The following B3GAT1 variants were observed in gnomAD, a reference collection of about 807,000 sequenced individuals.
B3GAT1 encodes the protein galactosylgalactosylxylosylprotein 3-beta-glucuronosyltransferase 1.
B3GAT1 carries 11 observed loss-of-function variants against 28.4 expected under a neutral mutation model. The observed-to-expected ratio is 0.39, with a 90% CI of 0.24 to 0.64. The LOEUF (loss-of-function observed/expected upper bound fraction) is 0.64, where lower values mean the gene tolerates loss of function less well. Among genes scored for constraint, B3GAT1 ranks in the 30% least tolerant of loss-of-function variants. The pLI is 0.50. For missense variants in B3GAT1, 375 were observed against 491.0 expected, an observed-to-expected ratio of 0.76 and a Z score of 2.23; for synonymous variants, 255 against 223.1, an observed-to-expected ratio of 1.14 and a Z score of -1.27.
intron 2 of B3GAT1, chr11:134,385,205 C>A (rs114729049): frequency 6.6e-6 from 1 of 152,298 alleles, no homozygotes; most frequent in Non-Finnish European, 1.5e-5. Context: ...TCCTCTCTTG[C>A]GGAAGGGCAG....
chr11:134,393,866 C>G lies in B3GAT1; in HGVS notation c.-281-5926G>C, dbSNP rs185658771. 5.7e-3 allele frequency among the ~76,000 whole-genome samples: 861 copies of G among 152,288 alleles called. 9 individuals carry two copies. Among genetic ancestry groups the G allele is most frequent in the African/African-American group, 0.02 (819 of 41,556 alleles). On this transcript the variant is annotated intron_variant, in intron 1 of 5. Coordinates refer to ENST00000312527, the MANE Select transcript of B3GAT1 (RefSeq NM_054025.3). This position sits in a 1 kb window ranked among gnomAD's most constrained non-coding sequence, Gnocchi z 4.0. ...TATCATCTCTGTCACCCAGGAACCC[C>G]AGTGCCCCCAAAGAGAGGGAGGGAC...
At chr11:134,398,200 C>A (rs1944541106) in intron 1 of B3GAT1, among the ~76,000 whole-genome samples, 1 of 152,194 alleles carries the variant, frequency 6.6e-6, no homozygotes, top group Non-Finnish European at 1.5e-5. Context: ...TGGCCGGCAC[C>A]CCGTGAGTCA....
At chr11:134,407,331 G>T (rs1409541484) in intron 1 of B3GAT1, among the ~76,000 whole-genome samples, 1 of 152,238 alleles carries the variant, frequency 6.6e-6, no homozygotes, top group Non-Finnish European at 1.5e-5. Context: ...AGCCAGAGAG[G>T]ACGGGCAGAG....
intron 1 of B3GAT1, among the ~76,000 whole-genome samples, chr11:134,404,157 C>T (rs1339020374): frequency 1.3e-5 from 2 of 151,636 alleles, no homozygotes; most frequent in Non-Finnish European, 2.9e-5. Context: ...TCTCCTAATG[C>T]TATCCCTCCC....
At chr11:134,383,144 C>T (rs1407659868) in intron 3 of B3GAT1, 138 bp from the exon 4 acceptor site, 49 of 958,984 alleles carry the variant, frequency 5.1e-5, no homozygotes, top group Non-Finnish European at 6.5e-5. Context: ...GTGTCCAGTA[C>T]AGCCCTGCCC....
intron 1 of B3GAT1, among the ~76,000 whole-genome samples, chr11:134,400,807 A>C (rs1944598575): frequency 6.6e-6 from 1 of 152,250 alleles, no homozygotes; most frequent in African/African-American, 2.4e-5. Flanking sequence ...GCAGCAAAAG[A>C]AGCTCTTAAC....
At chr11:134,410,650 CCAG>C (rs1944835326) in intron 1 of B3GAT1, among the ~76,000 whole-genome samples, 1 of 152,196 alleles carries the variant, frequency 6.6e-6, no homozygotes, top group Admixed American at 6.5e-5. Flanking sequence ...GCAGTGGCTA[CCAG>C]CAGAGGTAGG....
At chr11:134,391,163 T>C (rs1944404589) in intron 1 of B3GAT1, 1 of 152,230 alleles carries the variant, frequency 6.6e-6, no homozygotes, top group South Asian at 2.1e-4. Flanking sequence ...TGTGCATTAA[T>C]TACTCTGGAA....
chr11:134,411,994 GGC>G lies in B3GAT1; in HGVS notation c.-471_-470del, dbSNP rs1252787685. ...GTCCGCGCGCCCGCCCGCCCCGCCC[GGC>G]CCCGCCGCCCCGGCCCGGCTCGTTC... On this transcript the variant is annotated 5_prime_UTR_variant, in exon 1 of 6. Transcript: ENST00000312527. This position sits in a 1 kb window ranked among gnomAD's most constrained non-coding sequence, Gnocchi z 6.0. 4 of 127,104 alleles carry G rather than the reference GGC, an allele frequency of 3.1e-5. No homozygotes were observed. The highest frequency in any genetic ancestry group is 8.9e-5 in the African/African-American group (3 of 33,620). 7.9% of individuals were successfully genotyped at this position (127,104 alleles called of 1,614,324 possible).
At chr11:134,404,985 C>T (rs1944702689) in intron 1 of B3GAT1, among the ~76,000 whole-genome samples, 1 of 152,210 alleles carries the variant, frequency 6.6e-6, no homozygotes, top group African/African-American at 2.4e-5. Context: ...CCCTTGGCCT[C>T]TCTGGGCTCA....
Position 134,389,914 on chromosome 11 carries a change from G to A in B3GAT1, c.-281-1974C>T, listed in dbSNP as rs1051105358. 4 of 152,008 alleles carry A rather than the reference G, an allele frequency of 2.6e-5. No homozygotes were observed. The South Asian group carries it at 8.3e-4, about 31-fold the overall frequency. 9.4% of individuals were successfully genotyped at this position (152,008 alleles called of 1,614,324 possible). On this transcript the variant is annotated intron_variant, in intron 1 of 5. Coordinates refer to ENST00000312527, the MANE Select transcript of B3GAT1 (RefSeq NM_054025.3). Reference sequence around the variant, plus strand: ...TTTGTCTTCCATTAAGGAGCACTGTGGTTTCCCGGGACGGCCGGCATCCCC... The same window carrying A: ...TTTGTCTTCCATTAAGGAGCACTGTAGTTTCCCGGGACGGCCGGCATCCCC...
At position 134,393,984 on chromosome 11, in the gene B3GAT1, CAG is replaced by C. The variant is rs1203578747; in HGVS notation, c.-281-6046_-281-6045del. ...GCTGCTCAGGAAACGCCTGATGCCA[CAG>C]CTAATCAGCTCCCAGCCCAGTCAAT... On this transcript the variant is annotated intron_variant, in intron 1 of 5. Coordinates refer to ENST00000312527, the MANE Select transcript of B3GAT1 (RefSeq NM_054025.3). This position sits in a 1 kb window ranked among gnomAD's most constrained non-coding sequence, Gnocchi z 4.0. Among the ~76,000 whole-genome samples the C allele has an allele frequency of 6.6e-5, 10 of 152,332 alleles. No homozygotes were observed. Among genetic ancestry groups the C allele is most frequent in the Non-Finnish European group, 1.3e-4 (9 of 68,028 alleles).
At position 134,411,275 on chromosome 11, in the gene B3GAT1, G is replaced by A. The variant is rs1944847844; in HGVS notation, c.-282+532C>T. ...GCGCCTCCTTCCTCCTTGCTACACC[G>A]AAGGTCCCAAGGGCCCTTTGCCACC... On this transcript the variant is annotated intron_variant, in intron 1 of 5. Coordinates refer to ENST00000312527, the MANE Select transcript of B3GAT1 (RefSeq NM_054025.3). The surrounding 1 kb of genome is among the most constrained non-coding windows in gnomAD (Gnocchi z 6.0). Among the ~76,000 whole-genome samples the A allele has an allele frequency of 6.6e-6, 1 of 152,126 alleles. No homozygotes were observed.
rs550088331 is a variant in B3GAT1, at chr11:134,406,306, T to C, written c.-282+5501A>G. On this transcript the variant is annotated intron_variant, in intron 1 of 5. Transcript: ENST00000312527. ...TCCTTTGCTGCTCTTATTCTGAAAG[T>C]GTGGGGGCTTAGCAGATGCTTTTTA... is the stretch of plus-strand genomic sequence containing the variant. Among the ~76,000 whole-genome samples, 197 of 152,342 alleles carry C rather than the reference T, an allele frequency of 1.3e-3. 1 individual carries two copies. Among genetic ancestry groups the C allele is most frequent in the African/African-American group, 4.4e-3 (184 of 41,578 alleles).
Position 134,384,016 on chromosome 11 carries a change from G to T in B3GAT1, c.285C>A (p.Arg95=). Reference sequence around the variant, plus strand: ...GCGTCAGCTCGGCCTTCTGCACCGGGCGGCTGTAGGTGGGCGTCACCACGT... The same window carrying T: ...GCGTCAGCTCGGCCTTCTGCACCGGTCGGCTGTAGGTGGGCGTCACCACGT... ...TIHVVTPTYS[R]PVQKAELTRM... is the part of the protein sequence containing the mutation. Residue 95 remains arginine, a synonymous_variant, in exon 3 of 6, where the codon CGC becomes CGA. Transcript: ENST00000312527. The T allele has an allele frequency of 1.2e-6, 2 of 1,605,418 alleles. No individual in the cohort carries two copies.
At chr11:134,404,597 A>G (rs1217472663) in intron 1 of B3GAT1, among the ~76,000 whole-genome samples, 1 of 152,198 alleles carries the variant, frequency 6.6e-6, no homozygotes, top group Non-Finnish European at 1.5e-5. Flanking sequence ...GATCTCAAGC[A>G]TGCACCTTCC....
At chr11:134,405,978 T>C (rs1944723679) in intron 1 of B3GAT1, among the ~76,000 whole-genome samples, 1 of 152,206 alleles carries the variant, frequency 6.6e-6, no homozygotes, top group Non-Finnish European at 1.5e-5. Flanking sequence ...GTGGAAGTGA[T>C]TTTTCCAGGT....
At position 134,401,970 on chromosome 11, in the gene B3GAT1, CG is replaced by C. The variant is rs536585130; in HGVS notation, c.-282+9836del. Among the ~76,000 whole-genome samples, 21 of 11,524 alleles carry C rather than the reference CG, an allele frequency of 1.8e-3. 1 individual carries two copies. The highest frequency in any genetic ancestry group is 0.05 in the Middle Eastern group (1 of 20). 7.6% of individuals were successfully genotyped at this position (11,524 alleles called of 152,430 possible). A position where few individuals can be genotyped will look rare whatever the true frequency, so the allele number is the denominator to read the frequency against. Reference sequence around the variant, plus strand: ...TGTGACAAAAGGGTGTGGCCTGGGGCGGGGGGGGGCGGGCAGCCTGACCACT... The same window carrying C: ...TGTGACAAAAGGGTGTGGCCTGGGGCGGGGGGGGCGGGCAGCCTGACCACT... On this transcript the variant is annotated intron_variant, in intron 1 of 5. Transcript: ENST00000312527.
chr11:134,397,511 G>A (rs1268808281), intron 1 of B3GAT1, among the ~76,000 whole-genome samples: 1 of 152,090 alleles, frequency 6.6e-6, no homozygotes, highest in Non-Finnish European at 1.5e-5. Flanking sequence ...AGAGGGCAGT[G>A]CCCCATTCCC....
Sources: gnomAD v4.1 joint callset for allele counts (sites outside exome capture counted in the v4.1 genomes callset) on GRCh38, gnomAD v4.1.1 for gene constraint, Gnocchi (gnomAD v3.1) non-coding constraint, MANE v1.5 for transcripts, NCBI Gene and HGNC (gene_info 2026-07-23, HGNC 2026-07-21) for gene names.